Variants in KALRN observed in about 807,000 individuals in gnomAD.
KALRN encodes the protein kalirin.
A neutral mutation model predicts 353.7 loss-of-function variants in KALRN; 70 were observed. That is an observed-to-expected ratio of 0.20 (90% CI 0.16 to 0.24). KALRN has a LOEUF of 0.24. Among genes scored for constraint, KALRN ranks in the 10% least tolerant of loss-of-function variants. The pLI, the probability that KALRN is intolerant of heterozygous loss-of-function variation, is 1.00. For synonymous variants in KALRN, 1,391 were observed against 1,434.8 expected, an observed-to-expected ratio of 0.97 and a Z score of 0.69; for missense variants, 2,791 against 3,756.7, an observed-to-expected ratio of 0.74 and a Z score of 6.72.
Position 124,177,910 on chromosome 3 carries a change from T to C in KALRN, c.74-50080T>C, listed in dbSNP as rs553713980. 7.9e-5 allele frequency among the ~76,000 whole-genome samples: 12 copies of C among 152,284 alleles called. No individual in the cohort carries two copies. The South Asian group carries it at 2.3e-3, about 29-fold the overall frequency. The stretch of plus-strand genomic sequence containing the variant: ...AATCCATGGATCTCTGGGTAATAGG[T>C]GGACTTTACCATAGCTACTTGGTCC... On this transcript the variant is annotated intron_variant, in intron 1 of 59. Transcript: ENST00000682506.
At chr3:124,329,012 A>T (rs1467292964) in intron 7 of KALRN, among the ~76,000 whole-genome samples, 1 of 152,170 alleles carries the variant, frequency 6.6e-6, no homozygotes, top group Non-Finnish European at 1.5e-5. Context: ...TTAGGCAATT[A>T]ATTTAAATGG....
intron 11 of KALRN, among the ~76,000 whole-genome samples, chr3:124,389,328 C>T (rs1206452289): frequency 2.6e-5 from 4 of 152,084 alleles, no homozygotes; most frequent in Non-Finnish European, 5.9e-5. Context: ...CCTAGGACTC[C>T]CCAGGCTAAA....
chr3:124,534,765 G>C (rs1254664694), intron 33 of KALRN, among the ~76,000 whole-genome samples: 2 of 140,738 alleles, frequency 1.4e-5, no homozygotes, highest in Non-Finnish European at 3.1e-5. Flanking sequence ...GTAAGAACCA[G>C]ATTTCCTTCC....
rs766872813 is a variant in KALRN at position 124,482,885 on chromosome 3, T to C, written c.4269T>C (p.Tyr1423=). The C allele has an allele frequency of 6.2e-7, 1 of 1,610,920 alleles. No homozygotes were observed. Among genetic ancestry groups the C allele is most frequent in the East Asian group, 2.2e-5 (1 of 44,850 alleles). ...AGCCTGTCCAAAGGATCACCAAATATCAACTGCTCCTGAAGGTACCTCCCC... is the reference window on the plus strand; with the variant it reads ...AGCCTGTCCAAAGGATCACCAAATACCAACTGCTCCTGAAGGTACCTCCCC... The part of the protein sequence containing the change: ...LIKPVQRITK[Y]QLLLKELLTC... The change falls in exon 28 of 60, where the codon TAT becomes TAC. Residue 1423 remains tyrosine, a synonymous_variant. Transcript: ENST00000682506.
chr3:124,510,887 A>G (rs2065829790), intron 33 of KALRN, among the ~76,000 whole-genome samples: 1 of 152,226 alleles, frequency 6.6e-6, no homozygotes, highest in African/African-American at 2.4e-5. Context: ...GAAACACAAG[A>G]GTATGTCTCT....
chr3:124,608,546 C>A (rs980619592), intron 34 of KALRN, among the ~76,000 whole-genome samples: 1 of 152,140 alleles, frequency 6.6e-6, no homozygotes, highest in African/African-American at 2.4e-5. Flanking sequence ...CTTCCCCTCC[C>A]TCCTGATAGT....
intron 52 of KALRN, 33 bp from the exon 53 acceptor site, chr3:124,694,299 G>A: frequency 6.2e-7 from 1 of 1,601,456 alleles, no homozygotes; most frequent in East Asian, 2.2e-5. Flanking sequence ...AATTTGCTCT[G>A]AATGATGTTA....
chr3:124,064,177 C>T (rs2149229398), intron 1 of KALRN, among the ~76,000 whole-genome samples: 1 of 152,240 alleles, frequency 6.6e-6, no homozygotes, highest in South Asian at 2.1e-4. Flanking sequence ...ATAATTACAG[C>T]TTATCCTACA....
chr3:124,074,512 C>A (rs2060174392), intron 1 of KALRN, among the ~76,000 whole-genome samples: 2 of 152,174 alleles, frequency 1.3e-5, no homozygotes, highest in Admixed American at 1.3e-4. Flanking sequence ...TCACAAGGTC[C>A]AGAGAATGGA....
chr3:124,636,295 G>A (rs2081342786), intron 36 of KALRN, among the ~76,000 whole-genome samples: 1 of 152,126 alleles, frequency 6.6e-6, no homozygotes, highest in Non-Finnish European at 1.5e-5. Flanking sequence ...CACACAAACG[G>A]TGCAGGGTTA....
At chr3:124,617,604 G>A (rs190255699) in intron 34 of KALRN, among the ~76,000 whole-genome samples, 19 of 152,252 alleles carry the variant, frequency 1.2e-4, no homozygotes, top group African/African-American at 4.3e-4. Flanking sequence ...CTAAAGTGAA[G>A]GGTTCTTATA....
chr3:124,083,266 G>A (rs2060635655), intron 1 of KALRN, among the ~76,000 whole-genome samples: 1 of 152,218 alleles, frequency 6.6e-6, no homozygotes, highest in Non-Finnish European at 1.5e-5. Flanking sequence ...AACAGGACCT[G>A]GGTGGGAAGA....
chr3:124,407,152 C>T (rs2091648015), intron 13 of KALRN, among the ~76,000 whole-genome samples: 1 of 151,964 alleles, frequency 6.6e-6, no homozygotes, highest in African/African-American at 2.4e-5. Context: ...GCCTTGGTTT[C>T]CTCATTTGAG....
intron 6 of KALRN, among the ~76,000 whole-genome samples, chr3:124,311,023 A>G (rs2078195388): frequency 6.7e-6 from 1 of 149,770 alleles, no homozygotes; most frequent in Non-Finnish European, 1.5e-5. Context: ...ATAATTAGTC[A>G]TCAGGGAAAC....
intron 7 of KALRN, among the ~76,000 whole-genome samples, chr3:124,329,652 A>G (rs1175632767): frequency 6.6e-6 from 1 of 151,936 alleles, no homozygotes; most frequent in Admixed American, 6.6e-5. Context: ...TTTTGTGGAG[A>G]CTATACTTCC....
At chr3:124,327,470 C>A (rs1393320645) in intron 7 of KALRN, among the ~76,000 whole-genome samples, 1 of 152,148 alleles carries the variant, frequency 6.6e-6, no homozygotes, top group Non-Finnish European at 1.5e-5. Context: ...CAACTGGCTA[C>A]ATTAAATATA....
At position 124,050,265 on chromosome 3, in the gene KALRN, C is replaced by T. The variant is rs568963156; in HGVS notation, c.73+16452C>T. ...GGTCAAAGACCCTACATATGGCAGC[C>T]TCTTAGTCCTGACTCCAGGCCTTTG... is the stretch of plus-strand genomic sequence containing the variant. On this transcript the variant is annotated intron_variant, in intron 1 of 59. Coordinates refer to ENST00000682506, the MANE Select transcript of KALRN (RefSeq NM_001388419.1). Among the ~76,000 whole-genome samples the T allele has an allele frequency of 3.3e-5, 5 of 152,360 alleles. No individual in the cohort carries two copies. In the South Asian group the frequency reaches 1.0e-3, roughly 32 times the overall value.
chr3:124,477,972 A>G (rs2061585325), intron 27 of KALRN, among the ~76,000 whole-genome samples: 1 of 152,232 alleles, frequency 6.6e-6, no homozygotes, highest in South Asian at 2.1e-4. Flanking sequence ...CTCTGCTATA[A>G]TAGAAGCCAG....
intron 34 of KALRN, among the ~76,000 whole-genome samples, chr3:124,624,809 G>A (rs2079748465): frequency 6.6e-6 from 1 of 152,152 alleles, no homozygotes; most frequent in South Asian, 2.1e-4. Flanking sequence ...CCTTATTCTA[G>A]GAAGAGATTG....
Sources: allele counts gnomAD v4.1 joint callset (sites outside exome capture counted in the v4.1 genomes callset), GRCh38; gene constraint gnomAD v4.1.1; transcripts MANE v1.5; gene names NCBI Gene and HGNC (gene_info 2026-07-23, HGNC 2026-07-21).